Variants in EYS observed in about 807,000 individuals in gnomAD.
EYS encodes the protein EGF-like photoreceptor maintenance factor, also known as protein eyes shut homolog.
In EYS, 250 loss-of-function variants were observed where a neutral mutation model predicts 282.1. The observed-to-expected ratio is 0.89, with a 90% confidence interval of 0.80 to 0.98. EYS has a LOEUF of 0.98. Ranked by LOEUF, EYS falls within the 50% of genes least tolerant of loss-of-function variation. EYS has a pLI of 0.00. For synonymous variants in EYS, 1,355 were observed against 1,282.9 expected, an observed-to-expected ratio of 1.06 and a Z score of -1.20; for missense variants, 4,016 against 3,709.0, an observed-to-expected ratio of 1.08 and a Z score of -2.15.
intron 2 of EYS, among the ~76,000 whole-genome samples, chr6:65,636,449 C>A (rs1236238293): frequency 6.6e-6 from 1 of 152,180 alleles, no homozygotes; most frequent in African/African-American, 2.4e-5. Flanking sequence ...TTGCATTGCT[C>A]TTCAACCAAC....
intron 2 of EYS, among the ~76,000 whole-genome samples, chr6:65,497,968 G>A (rs1403599494): frequency 1.3e-5 from 2 of 152,004 alleles, no homozygotes; most frequent in Non-Finnish European, 2.9e-5. Context: ...TTGTGGAGGA[G>A]AAAACAACAC....
At chr6:64,401,667 A>G (rs1382917440) in intron 28 of EYS, among the ~76,000 whole-genome samples, 1 of 151,982 alleles carries the variant, frequency 6.6e-6, no homozygotes, top group Non-Finnish European at 1.5e-5. Context: ...CATTAGCTTA[A>G]AAATACTTAT....
At chr6:63,941,560 G>A (rs1765240370) in intron 35 of EYS, among the ~76,000 whole-genome samples, 3 of 152,160 alleles carry the variant, frequency 2.0e-5, no homozygotes, top group Admixed American at 6.5e-5. Context: ...ATTTGTTTAA[G>A]TTCTTTGTAG....
In EYS at chr6:65,295,861, G is replaced by A; in HGVS notation, c.2023+2C>T. 1 of 1,521,580 alleles carries A rather than the reference G, an allele frequency of 6.6e-7. No homozygotes were observed. The highest frequency in any genetic ancestry group is 8.8e-7 in the Non-Finnish European group (1 of 1,137,270). The allele number at this position is 1,521,580 out of a possible 1,614,324, so 94.3% of individuals were successfully genotyped here. The stretch of plus-strand genomic sequence containing the variant: ...TAATTTATCAGGAAAAAAAAAACTT[G>A]CCTTTAAATCCTGGGACACACTTGC... On this transcript the variant is annotated splice_donor_variant, in intron 12 of 42. Transcript: ENST00000503581. LOFTEE classifies it low-confidence loss of function (GC_TO_GT_DONOR).
chr6:65,235,988 C>T (rs1002534606), intron 12 of EYS, among the ~76,000 whole-genome samples: 1 of 151,830 alleles, frequency 6.6e-6, no homozygotes, highest in African/African-American at 2.4e-5. Flanking sequence ...TGCTAATTTA[C>T]ATGTTAGATT....
chr6:65,621,708 T>C (rs1040474721), intron 2 of EYS, among the ~76,000 whole-genome samples: 3 of 152,120 alleles, frequency 2.0e-5, no homozygotes, highest in African/African-American at 7.2e-5. Flanking sequence ...TTCCTTTCCA[T>C]GTTTAGCACT....
intron 31 of EYS, among the ~76,000 whole-genome samples, chr6:64,097,832 C>T (rs1034808896): frequency 2.0e-5 from 3 of 151,926 alleles, no homozygotes; most frequent in African/African-American, 7.3e-5. Flanking sequence ...ATTAGTAAGT[C>T]GTTGGTAATG....
intron 35 of EYS, among the ~76,000 whole-genome samples, chr6:63,897,002 A>G (rs1276833532): frequency 6.6e-6 from 1 of 152,088 alleles, no homozygotes; most frequent in East Asian, 1.9e-4. Context: ...TTGCTTAGTT[A>G]TTTTTCATAA....
rs73768164 is a variant in EYS at position 65,168,665 on chromosome 6, G to T, written c.2024-110938C>A. Among the ~76,000 whole-genome samples, 422 of 151,316 alleles carry T rather than the reference G, an allele frequency of 2.8e-3. 6 individuals are homozygous for T. The highest frequency in any genetic ancestry group is 0.01 in the Middle Eastern group (3 of 294). ...GGATTTCAACACAGAAATGTAGAGG[G>T]TACACAAACATTCAGGTCATAGTAC... is the stretch of plus-strand genomic sequence containing the variant. On this transcript the variant is annotated intron_variant, in intron 12 of 42. Coordinates refer to ENST00000503581, the MANE Select transcript of EYS (RefSeq NM_001142800.2).
chr6:64,604,647 A>C (rs572671296), intron 24 of EYS, among the ~76,000 whole-genome samples: 15 of 152,124 alleles, frequency 9.9e-5, no homozygotes, highest in African/African-American at 3.6e-4. Flanking sequence ...GATTTGCTTC[A>C]ATGGCAATGC....
intron 39 of EYS, among the ~76,000 whole-genome samples, chr6:63,778,608 A>G (rs1463360741): frequency 6.6e-6 from 1 of 152,198 alleles, no homozygotes; most frequent in African/African-American, 2.4e-5. Flanking sequence ...TAATTATTAT[A>G]CCATTGACTT....
At chr6:65,581,225 T>C (rs187663285) in intron 2 of EYS, among the ~76,000 whole-genome samples, 354 of 152,086 alleles carry the variant, frequency 2.3e-3, no homozygotes, top group Admixed American at 5.3e-3. Flanking sequence ...TTATTAAATA[T>C]AGAGGGGAAA....
rs527938419 is a variant in EYS at position 65,503,561 on chromosome 6, CT to C, written c.-332-7569del. On this transcript the variant is annotated intron_variant, in intron 2 of 42. Coordinates refer to ENST00000503581, the MANE Select transcript of EYS (RefSeq NM_001142800.2). The stretch of plus-strand genomic sequence containing the variant: ...TCTACATTTTATCCTATGTTTTCTC[CT>C]AGAAATTTTGTAGTTAAGTGTTTTA... Among the ~76,000 whole-genome samples, 31 of 151,682 alleles carry C rather than the reference CT, an allele frequency of 2.0e-4. 2 individuals are homozygous for C. In the South Asian group the frequency reaches 6.2e-3, roughly 30 times the overall value.
At chr6:63,793,724 G>A (rs542005941) in intron 37 of EYS, among the ~76,000 whole-genome samples, 1 of 152,248 alleles carries the variant, frequency 6.6e-6, no homozygotes, top group South Asian at 2.1e-4. Flanking sequence ...ATTTCTCCCT[G>A]CTTTTTGAAC....
At chr6:64,259,120 T>C (rs2150352058) in intron 30 of EYS, among the ~76,000 whole-genome samples, 1 of 152,212 alleles carries the variant, frequency 6.6e-6, no homozygotes, top group East Asian at 1.9e-4. Context: ...AAAGACCTGC[T>C]CTTCCAGGTA....
At chr6:65,045,603 A>T (rs1773077760) in intron 13 of EYS, among the ~76,000 whole-genome samples, 1 of 151,832 alleles carries the variant, frequency 6.6e-6, no homozygotes, top group Admixed American at 6.6e-5. Flanking sequence ...TGAGAAGATA[A>T]CCACATATGA....
At chr6:64,692,727 C>CATCATTTATTG (rs1770432185) in intron 22 of EYS, among the ~76,000 whole-genome samples, 2 of 152,256 alleles carry the variant, frequency 1.3e-5, no homozygotes, top group African/African-American at 4.8e-5. Flanking sequence ...GTTATCCCAG[C>CATCATTTATTG]ATCATTTATT....
rs1351572561 is a variant in EYS at position 64,304,115 on chromosome 6, GAACTTCAC to G, written c.6191+2847_6191+2854del. ...CATTTAATCTGCACTAAATAAACGT[GAACTTCAC>G]CAGCTTTTGAGGCCGATGCTGCAGA... is the stretch of plus-strand genomic sequence containing the variant. On this transcript the variant is annotated intron_variant, in intron 30 of 42. Transcript: ENST00000503581. 5.3e-5 allele frequency among the ~76,000 whole-genome samples: 8 copies of G among 152,216 alleles called. No individual in the cohort carries two copies. In the East Asian group the frequency reaches 1.5e-3, roughly 29 times the overall value.
At chr6:64,891,519 C>T (rs1284315698) in intron 18 of EYS, among the ~76,000 whole-genome samples, 2 of 152,012 alleles carry the variant, frequency 1.3e-5, no homozygotes, top group Admixed American at 1.3e-4. Context: ...ATAAAAGTGC[C>T]TAGGGTATGT....
Sources: gnomAD v4.1 joint callset for allele counts (sites outside exome capture counted in the v4.1 genomes callset) on GRCh38, gnomAD v4.1.1 for gene constraint, MANE v1.5 for transcripts, NCBI Gene and HGNC (gene_info 2026-07-23, HGNC 2026-07-21) for gene names.